The following RFX4 variants were observed in gnomAD, a reference collection of about 807,000 sequenced individuals.
The protein encoded by RFX4 is transcription factor RFX4.
A neutral mutation model predicts 95.0 loss-of-function variants in RFX4; 10 were observed. That is an observed-to-expected ratio of 0.11 (90% CI 0.06 to 0.18). The LOEUF (loss-of-function observed/expected upper bound fraction) is 0.18. Ranked by LOEUF, RFX4 falls within the 10% of genes least tolerant of loss-of-function variation. RFX4 has a pLI of 1.00. For synonymous variants in RFX4, 321 were observed against 340.7 expected (o/e 0.94, Z 0.64); for missense variants, 640 against 922.0 (o/e 0.69, Z 3.96).
In RFX4 at chr12:106,741,065, G is replaced by A. The variant is rs185253369; in HGVS notation, c.1634-6372G>A. On this transcript the variant is annotated intron_variant, in intron 15 of 17. Coordinates refer to ENST00000392842, the MANE Select transcript of RFX4 (RefSeq NM_213594.3). The stretch of plus-strand genomic sequence containing the variant: ...TTATGCAGCAACATAAGAAGGAACT[G>A]ATTCATTTGCTGCCCCGGTCAGTTC... 3.9e-5 allele frequency among the ~76,000 whole-genome samples: 6 copies of A among 152,274 alleles called. No homozygotes were observed. In the East Asian group the frequency reaches 9.6e-4, roughly 24 times the overall value.
At chr12:106,635,891 T>G (rs2040501034) in intron 2 of RFX4, among the ~76,000 whole-genome samples, 1 of 152,242 alleles carries the variant, frequency 6.6e-6, no homozygotes, top group South Asian at 2.1e-4. Flanking sequence ...TCCTTTTCAC[T>G]TCTTTGTGAA....
chr12:106,695,207 C>T (rs1235527773), intron 7 of RFX4, among the ~76,000 whole-genome samples: 1 of 151,730 alleles, frequency 6.6e-6, no homozygotes, highest in Non-Finnish European at 1.5e-5. Context: ...AAACATGATC[C>T]AGAAACCAAG....
chr12:106,644,492 CAA>C (rs1195263637), intron 3 of RFX4, among the ~76,000 whole-genome samples: 2 of 152,152 alleles, frequency 1.3e-5, no homozygotes, highest in African/African-American at 4.8e-5. Context: ...CTCAGCCTCC[CAA>C]AGTGTTGGGA....
chr12:106,723,795 C>T (rs1231597656), intron 13 of RFX4, among the ~76,000 whole-genome samples: 11 of 152,130 alleles, frequency 7.2e-5, no homozygotes, highest in Non-Finnish European at 1.6e-4. Flanking sequence ...ATTCAGGCCC[C>T]CACCAAGCAC....
chr12:106,697,966 AATTATT>A (rs976695119), intron 8 of RFX4, among the ~76,000 whole-genome samples: 2 of 151,388 alleles, frequency 1.3e-5, no homozygotes, highest in Non-Finnish European at 2.9e-5. Context: ...TAATTATTAT[AATTATT>A]ATTATTATTT....
At chr12:106,736,564 C>T (rs915343816) in intron 15 of RFX4, among the ~76,000 whole-genome samples, 1 of 152,140 alleles carries the variant, frequency 6.6e-6, no homozygotes, top group Non-Finnish European at 1.5e-5. Flanking sequence ...AGGTGGCACA[C>T]GTCACTTCCA....
intron 4 of RFX4, among the ~76,000 whole-genome samples, chr12:106,673,738 T>C (rs1284600117): frequency 6.6e-6 from 1 of 152,238 alleles, no homozygotes; most frequent in Non-Finnish European, 1.5e-5. Context: ...ATATTGCTTA[T>C]AGCATTATTT....
chr12:106,686,388 G>A (rs1278276200), intron 5 of RFX4, among the ~76,000 whole-genome samples: 2 of 150,810 alleles, frequency 1.3e-5, no homozygotes, highest in African/African-American at 2.4e-5. Flanking sequence ...CTCCAGCCTA[G>A]GTGACAGAGC....
intron 1 of RFX4, among the ~76,000 whole-genome samples, chr12:106,591,802 C>A (rs987061307): frequency 6.6e-6 from 1 of 152,008 alleles, no homozygotes; most frequent in Non-Finnish European, 1.5e-5. Context: ...ATATATGGAG[C>A]CTTTAGGTAA....
chr12:106,589,374 CTG>C (rs1374420474), intron 1 of RFX4, among the ~76,000 whole-genome samples: 1 of 152,158 alleles, frequency 6.6e-6, no homozygotes, highest in Non-Finnish European at 1.5e-5. Context: ...TATGGACACA[CTG>C]AGAGTGGTGA....
intron 3 of RFX4, among the ~76,000 whole-genome samples, chr12:106,648,241 G>A (rs2137303023): frequency 6.6e-6 from 1 of 152,332 alleles, no homozygotes; most frequent in South Asian, 2.1e-4. Context: ...GTGGAACACG[G>A]TGGAGGAGGT....
chr12:106,683,288 A>G (rs1252072453), intron 5 of RFX4: 1 of 152,098 alleles, frequency 6.6e-6, no homozygotes, highest in Non-Finnish European at 1.5e-5. Flanking sequence ...AGGTAGGGAA[A>G]GAAAATGGAT....
intron 8 of RFX4, among the ~76,000 whole-genome samples, chr12:106,705,467 C>T (rs948250680): frequency 4.6e-5 from 7 of 151,888 alleles, no homozygotes; most frequent in Non-Finnish European, 1.0e-4. Context: ...GGAAGGAGGT[C>T]GAGCTGCAGG....
intron 4 of RFX4, among the ~76,000 whole-genome samples, chr12:106,661,072 G>T (rs986512667): frequency 2.0e-5 from 3 of 152,180 alleles, no homozygotes; most frequent in Non-Finnish European, 4.4e-5. Context: ...GTAGCCCATG[G>T]AATTTCCAAT....
chr12:106,705,878 T>G (rs561972550), intron 8 of RFX4, among the ~76,000 whole-genome samples: 1 of 152,200 alleles, frequency 6.6e-6, no homozygotes, highest in African/African-American at 2.4e-5. Flanking sequence ...TGCTAGGTAC[T>G]GAGGATACAG....
At chr12:106,687,783 C>T (rs2041691499) in intron 6 of RFX4, among the ~76,000 whole-genome samples, 1 of 152,130 alleles carries the variant, frequency 6.6e-6, no homozygotes, top group Non-Finnish European at 1.5e-5. Flanking sequence ...GCCTATCTGT[C>T]TATCTACCTA....
chr12:106,738,674 A>G (rs192422019), intron 15 of RFX4, among the ~76,000 whole-genome samples: 6 of 152,318 alleles, frequency 3.9e-5, no homozygotes, highest in Admixed American at 3.9e-4. Flanking sequence ...ATATAAGACT[A>G]TGTATGATAT....
intron 2 of RFX4, among the ~76,000 whole-genome samples, chr12:106,626,227 T>C (rs2040296155): frequency 6.6e-6 from 1 of 152,216 alleles, no homozygotes; most frequent in Admixed American, 6.5e-5. Flanking sequence ...CTTTTAACAA[T>C]ACTTGCAGAT....
chr12:106,653,291 G>A (rs957451578), intron 3 of RFX4, among the ~76,000 whole-genome samples: 2 of 152,250 alleles, frequency 1.3e-5, no homozygotes, highest in African/African-American at 2.4e-5. Context: ...TTTAGCACAC[G>A]GTCAGGACAT....
Sources: gnomAD v4.1 joint callset for allele counts (sites outside exome capture counted in the v4.1 genomes callset) on GRCh38, gnomAD v4.1.1 for gene constraint, MANE v1.5 for transcripts, NCBI Gene and HGNC (gene_info 2026-07-23, HGNC 2026-07-21) for gene names.